FAM149B1: variants seen among roughly 807,000 people sequenced by gnomAD.
FAM149B1 encodes primary cilium assembly protein FAM149B1.
Under a neutral mutation model 75.3 loss-of-function variants are expected in FAM149B1, and 56 were observed. The observed-to-expected ratio is 0.74, with a 90% CI of 0.60 to 0.93. FAM149B1 has a LOEUF of 0.93. FAM149B1 is among the 40% of genes least tolerant of loss of function. The pLI is 0.00. For synonymous variants in FAM149B1, 259 were observed against 256.1 expected (o/e 1.01, Z -0.11); for missense variants, 639 against 708.4 (o/e 0.90, Z 1.11).
chr10:73,222,825 A>C (rs1405435645), intron 7 of FAM149B1, among the ~76,000 whole-genome samples: 1 of 152,222 alleles, frequency 6.6e-6, no homozygotes, highest in East Asian at 1.9e-4. Flanking sequence ...CAACATTTTT[A>C]AACTTTTTAT....
chr10:73,210,203 G>T (rs1271620757), intron 6 of FAM149B1, 48 bp from the exon 7 acceptor site: 7 of 1,325,722 alleles, frequency 5.3e-6, no homozygotes, highest in Non-Finnish European at 7.3e-6. Context: ...TAGAAAGGCA[G>T]CCTTCCCTTC....
intron 7 of FAM149B1, among the ~76,000 whole-genome samples, chr10:73,213,602 A>G (rs1589170400): frequency 6.6e-6 from 1 of 152,054 alleles, no homozygotes; most frequent in Admixed American, 6.5e-5. Flanking sequence ...TCCTTTCCCC[A>G]GTGTATATTT....
At chr10:73,192,362 T>G in intron 3 of FAM149B1, 194 bp from the exon 4 acceptor site, 1 of 568,738 alleles carries the variant, frequency 1.8e-6, no homozygotes, top group Non-Finnish European at 3.0e-6. Context: ...TCTTTAAATA[T>G]GAATGGAGAA....
Position 73,230,451 on chromosome 10 carries a change from G to A in FAM149B1, c.1053G>A (p.Gln351=), listed in dbSNP as rs2043661039. The change falls in exon 9 of 14, where the codon CAG becomes CAA. Residue 351 remains glutamine, a synonymous_variant. Transcript: ENST00000242505. ...GTCTCTGTCAAGCAAGCAGACATCA[G>A]CCAAATGTGAATGATCTCTTGGTTC... ...PMSLCQASRH[Q]PNVNDLLVHG... The A allele has an allele frequency of 6.5e-7, 1 of 1,549,364 alleles. No individual in the cohort carries two copies. Among genetic ancestry groups the A allele is most frequent in the Non-Finnish European group, 8.7e-7 (1 of 1,144,638 alleles).
chr10:73,207,680 G>T (rs2043098644), intron 5 of FAM149B1, among the ~76,000 whole-genome samples: 2 of 152,234 alleles, frequency 1.3e-5, no homozygotes, highest in Non-Finnish European at 2.9e-5. Flanking sequence ...GCTGCCCAGG[G>T]TCTTGGAAGC....
chr10:73,174,415 G>A (rs888756057), intron 1 of FAM149B1, among the ~76,000 whole-genome samples: 1 of 151,872 alleles, frequency 6.6e-6, no homozygotes, highest in Non-Finnish European at 1.5e-5. Flanking sequence ...TTAATTTTAA[G>A]AATATATTTT....
intron 3 of FAM149B1, among the ~76,000 whole-genome samples, chr10:73,181,787 T>C (rs1394159361): frequency 6.6e-6 from 1 of 152,218 alleles, no homozygotes; most frequent in Non-Finnish European, 1.5e-5. Flanking sequence ...TTAAGTCTGA[T>C]GTTTCTTTGT....
intron 5 of FAM149B1, among the ~76,000 whole-genome samples, chr10:73,202,680 C>CT (rs1046931602): frequency 3.5e-5 from 5 of 143,642 alleles, no homozygotes; most frequent in African/African-American, 1.0e-4. Context: ...TTCCCTCTTC[C>CT]TTTTTTTGTT....
At chr10:73,215,321 G>A (rs1030147360) in intron 7 of FAM149B1, among the ~76,000 whole-genome samples, 2 of 152,002 alleles carry the variant, frequency 1.3e-5, no homozygotes, top group Admixed American at 6.6e-5. Context: ...TACCATGCTC[G>A]GCTTTGTTTT....
intron 5 of FAM149B1, among the ~76,000 whole-genome samples, chr10:73,196,130 A>C (rs2042798197): frequency 6.6e-6 from 1 of 152,214 alleles, no homozygotes; most frequent in Non-Finnish European, 1.5e-5. Context: ...TTTCTGGTAC[A>C]GTAGGATGTG....
In FAM149B1 at chr10:73,233,020, G is replaced by C. The variant is rs1207130873; in HGVS notation, c.1209G>C (p.Glu403Asp). 6.4e-7 allele frequency: 1 copy of C among 1,551,712 alleles called. No individual in the cohort carries two copies. Among genetic ancestry groups the C allele is most frequent in the Non-Finnish European group, 8.7e-7 (1 of 1,146,962 alleles). Residue 403 changes from glutamate to aspartate, a missense_variant, in exon 10 of 14, where the codon GAG becomes GAC. Glu to Asp is a conservative substitution (Grantham distance 45, BLOSUM62 2). Coordinates refer to ENST00000242505, the MANE Select transcript of FAM149B1 (RefSeq NM_173348.2). The part of the protein sequence containing the change: ...STRNWPNRAV[E>D]FSTSSLSYTV... ...GAAATTGGCCAAATCGAGCTGTGGA[G>C]TTTAGTACATCATCTCTGTCATACA...
At position 73,242,430 on chromosome 10, in the gene FAM149B1, G is replaced by A. The variant is rs1172418985; in HGVS notation, c.*1411G>A. The A allele has an allele frequency of 2.0e-5, 3 of 152,112 alleles. No homozygotes were observed. Among genetic ancestry groups the A allele is most frequent in the African/African-American group, 4.8e-5 (2 of 41,414 alleles). 9.4% of individuals were successfully genotyped at this position (152,112 alleles called of 1,614,324 possible). A position where few individuals can be genotyped will look rare whatever the true frequency, so the allele number is the denominator to read the frequency against. On this transcript the variant is annotated 3_prime_UTR_variant, in exon 14 of 14. Transcript: ENST00000242505. Reference sequence around the variant, plus strand: ...TTCAAAGTTAAAGAATCAGAAAGGGGCCTGTAAGAAGTCATTTAGCCCAAT... The same window carrying A: ...TTCAAAGTTAAAGAATCAGAAAGGGACCTGTAAGAAGTCATTTAGCCCAAT...
At chr10:73,228,720 C>G (rs2043615260) in intron 8 of FAM149B1, among the ~76,000 whole-genome samples, 1 of 152,126 alleles carries the variant, frequency 6.6e-6, no homozygotes, top group Non-Finnish European at 1.5e-5. Flanking sequence ...GCCTCAGCCC[C>G]CTGAGTACCT....
At position 73,235,587 on chromosome 10, in the gene FAM149B1, C is replaced by T. The variant is rs898026181; in HGVS notation, c.1602+269C>T. The T allele has an allele frequency of 5.6e-6, 3 of 539,070 alleles. No homozygotes were observed. In the African/African-American group the frequency reaches 5.8e-5, roughly 10 times the overall value. The allele number at this position is 539,070 out of a possible 1,614,324, so 33.4% of individuals were successfully genotyped here. On this transcript the variant is annotated intron_variant, in intron 12 of 13. Coordinates refer to ENST00000242505, the MANE Select transcript of FAM149B1 (RefSeq NM_173348.2). ...CTGACCACAAGCAAGAATATTAAAT[C>T]CCAGTACACATCAGATAAGCATAAC...
rs186544140 is a variant in FAM149B1, at chr10:73,228,763, T to C, written c.1023+579T>C. Among the ~76,000 whole-genome samples, 1,256 of 152,158 alleles carry C rather than the reference T, an allele frequency of 8.3e-3. 18 individuals carry two copies. The highest frequency in any genetic ancestry group is 0.012 in the Non-Finnish European group (806 of 67,980). On this transcript the variant is annotated intron_variant, in intron 8 of 13. Coordinates refer to ENST00000242505, the MANE Select transcript of FAM149B1 (RefSeq NM_173348.2). ...CAGATGTGCACCACCACTCGGCTGA[T>C]TTCTGTATTTTTGGTAGAGACAGAG...
chr10:73,182,040 T>C (rs2042411274), intron 3 of FAM149B1, among the ~76,000 whole-genome samples: 1 of 152,176 alleles, frequency 6.6e-6, no homozygotes, highest in Admixed American at 6.5e-5. Context: ...GAAATCTGTT[T>C]TGTCTGATAC....
intron 1 of FAM149B1, among the ~76,000 whole-genome samples, chr10:73,170,258 C>T (rs745914751): frequency 8.5e-5 from 13 of 152,224 alleles, no homozygotes; most frequent in Non-Finnish European, 1.9e-4. Flanking sequence ...AATCCTAGCA[C>T]TTTGGGAGGC....
At chr10:73,226,597 C>CTTCT (rs2043556433) in intron 7 of FAM149B1, among the ~76,000 whole-genome samples, 1 of 152,218 alleles carries the variant, frequency 6.6e-6, no homozygotes, top group African/African-American at 2.4e-5. Flanking sequence ...AGTTGCTTAA[C>CTTCT]TTCTTTGAGC....
chr10:73,229,058 G>T (rs1416918006), intron 8 of FAM149B1, among the ~76,000 whole-genome samples: 2 of 151,974 alleles, frequency 1.3e-5, no homozygotes, highest in Non-Finnish European at 2.9e-5. Context: ...TTTGCCTTTT[G>T]GATGTTTAGT....
Sources: gnomAD v4.1 joint callset for allele counts (sites outside exome capture counted in the v4.1 genomes callset) on GRCh38, gnomAD v4.1.1 for gene constraint, MANE v1.5 for transcripts, NCBI Gene and HGNC (gene_info 2026-07-23, HGNC 2026-07-21) for gene names.